NRCAM: variants seen among roughly 807,000 people sequenced by gnomAD.
The protein encoded by NRCAM is NgCAM-related cell adhesion molecule.
Under a neutral mutation model 156.5 loss-of-function variants are expected in NRCAM, and 83 were observed. The observed-to-expected ratio is 0.53, with a 90% CI of 0.44 to 0.64. The LOEUF is 0.64. Among genes scored for constraint, NRCAM ranks in the 30% least tolerant of loss-of-function variants. NRCAM has a pLI of 0.00. For missense variants in NRCAM, 1,417 were observed against 1,597.3 expected (o/e 0.89, Z 1.92); for synonymous variants, 538 against 563.9 (o/e 0.95, Z 0.65).
chr7:108,163,534 A>T lies in NRCAM; in HGVS notation c.3467-3042T>A, dbSNP rs150410394. On this transcript the variant is annotated intron_variant, in intron 30 of 32. Coordinates refer to ENST00000379028, the MANE Select transcript of NRCAM (RefSeq NM_001037132.4). The stretch of plus-strand genomic sequence containing the variant: ...ATGTGTTTAGGAAGAGCAAAATGTG[A>T]CCTTAACCAAAGTTTGGAGACAACT... 6.6e-5 allele frequency among the ~76,000 whole-genome samples: 10 copies of T among 152,362 alleles called. No homozygotes were observed. The East Asian group carries it at 1.9e-3, about 29-fold the overall frequency.
chr7:108,347,327 C>T (rs572453932), intron 2 of NRCAM, among the ~76,000 whole-genome samples: 77 of 152,250 alleles, frequency 5.1e-4, no homozygotes, highest in Admixed American at 1.6e-3. Context: ...TGAGCCACCG[C>T]GCCCGGCTTA....
intron 13 of NRCAM, among the ~76,000 whole-genome samples, chr7:108,206,713 T>G (rs1023349583): frequency 3.9e-5 from 6 of 152,186 alleles, no homozygotes; most frequent in Admixed American, 2.6e-4. Context: ...TTTGCTATAA[T>G]TCCCTTGACT....
chr7:108,163,335 C>T (rs2050561998), intron 30 of NRCAM, among the ~76,000 whole-genome samples: 1 of 152,144 alleles, frequency 6.6e-6, no homozygotes, highest in South Asian at 2.1e-4. Context: ...TCATGGATAT[C>T]TGTGCTCTGT....
chr7:108,177,325 A>G (rs909324310), intron 26 of NRCAM, among the ~76,000 whole-genome samples: 3 of 152,054 alleles, frequency 2.0e-5, no homozygotes, highest in African/African-American at 7.2e-5. Context: ...AGATAGGGAG[A>G]TATCAGTTAA....
At chr7:108,163,154 AT>A (rs572351370) in intron 30 of NRCAM, among the ~76,000 whole-genome samples, 46 of 152,216 alleles carry the variant, frequency 3.0e-4, no homozygotes, top group African/African-American at 1.1e-3. Flanking sequence ...TCATTACTTG[AT>A]TTTTTTTAAC....
At chr7:108,261,067 T>A (rs2096870729) in intron 3 of NRCAM, among the ~76,000 whole-genome samples, 1 of 152,012 alleles carries the variant, frequency 6.6e-6, no homozygotes, top group African/African-American at 2.4e-5. Flanking sequence ...TGAGGAGAAA[T>A]GGTGGACAGA....
At chr7:108,368,426 C>T (rs951061131) in intron 2 of NRCAM, among the ~76,000 whole-genome samples, 1 of 152,060 alleles carries the variant, frequency 6.6e-6, no homozygotes, top group Non-Finnish European at 1.5e-5. Flanking sequence ...TACATACACA[C>T]TTCTGAAATA....
intron 3 of NRCAM, among the ~76,000 whole-genome samples, chr7:108,255,292 G>A (rs943198378): frequency 2.0e-5 from 3 of 151,830 alleles, no homozygotes; most frequent in East Asian, 1.9e-4. Flanking sequence ...TCAGCCTGCC[G>A]AGTGCCTGGG....
intron 2 of NRCAM, among the ~76,000 whole-genome samples, chr7:108,320,883 C>T (rs1238181010): frequency 6.6e-6 from 1 of 152,202 alleles, no homozygotes; most frequent in Admixed American, 6.6e-5. Context: ...GCTTTGTATA[C>T]AATCAGGTTC....
intron 3 of NRCAM, among the ~76,000 whole-genome samples, chr7:108,309,756 C>G (rs1015400692): frequency 1.3e-5 from 2 of 152,064 alleles, no homozygotes; most frequent in African/African-American, 4.8e-5. Context: ...ACTCAGGAGG[C>G]TGAGGGATGA....
chr7:108,236,570 G>A (rs984059909), intron 5 of NRCAM, among the ~76,000 whole-genome samples: 1 of 152,168 alleles, frequency 6.6e-6, no homozygotes, highest in Admixed American at 6.6e-5. Flanking sequence ...AGTTTCCTGA[G>A]AGGGAAAATA....
chr7:108,220,925 G>C (rs2092014079), intron 11 of NRCAM, among the ~76,000 whole-genome samples: 1 of 152,152 alleles, frequency 6.6e-6, no homozygotes, highest in African/African-American at 2.4e-5. Context: ...CACAGAGTGG[G>C]AGGAAATCTT....
chr7:108,160,476 C>T lies in NRCAM; in HGVS notation c.3483G>A (p.Gln1161=). 6.2e-7 allele frequency: 1 copy of T among 1,613,160 alleles called. No individual in the cohort carries two copies. The highest frequency in any genetic ancestry group is 1.3e-5 in the African/African-American group (1 of 74,978). Residue 1161 remains glutamine (Q), a synonymous_variant, in exon 31 of 33, where the codon CAG becomes CAA. Transcript: ENST00000379028. Reference sequence around the variant, plus strand: ...ACCAGCCCTGAGTTGCAATATCCACCTGCCGGCTTGCCATCGCTGGAAAAC... The same window carrying T: ...ACCAGCCCTGAGTTGCAATATCCACTTGCCGGCTTGCCATCGCTGGAAAAC... ...FETGPAMASR[Q]VDIATQGWFI...
chr7:108,188,133 T>G (rs1249801204), intron 20 of NRCAM, among the ~76,000 whole-genome samples: 1 of 152,050 alleles, frequency 6.6e-6, no homozygotes, highest in Non-Finnish European at 1.5e-5. Flanking sequence ...GACTACAGTA[T>G]AGTATAGCTC....
At chr7:108,315,368 A>C (rs908567576) in intron 2 of NRCAM, among the ~76,000 whole-genome samples, 12 of 152,130 alleles carry the variant, frequency 7.9e-5, no homozygotes, top group African/African-American at 2.9e-4. Context: ...CCTTGTTAAA[A>C]CTGGCATTTA....
rs74301085 is a variant in NRCAM, at chr7:108,394,938, A to G, written c.-174+4498T>C. ...AAGTTGTTTTATTTTTCCATTTTAA[A>G]ATAAGAACAATAAACATGTTTTTAA... On this transcript the variant is annotated intron_variant, in intron 2 of 32. Transcript: ENST00000379028. 5.3e-5 allele frequency among the ~76,000 whole-genome samples: 8 copies of G among 152,356 alleles called. No individual in the cohort carries two copies. In the East Asian group the frequency reaches 1.4e-3, roughly 26 times the overall value.
chr7:108,208,363 GA>G (rs1281011533), intron 12 of NRCAM, among the ~76,000 whole-genome samples: 1 of 151,986 alleles, frequency 6.6e-6, no homozygotes, highest in East Asian at 1.9e-4. Flanking sequence ...ATATAATTAG[GA>G]AGCAACTTAA....
chr7:108,243,177 A>G (rs1269637), intron 3 of NRCAM: 132,588 of 152,162 alleles, frequency 0.87, 57,994 homozygotes, highest in East Asian at 0.99. Flanking sequence ...TCTAGTGTAG[A>G]TTCTGTTAGA....
intron 5 of NRCAM, among the ~76,000 whole-genome samples, chr7:108,235,818 A>G (rs1420432614): frequency 6.6e-6 from 1 of 152,152 alleles, no homozygotes; most frequent in African/African-American, 2.4e-5. Context: ...ACAAAGACTT[A>G]TCTGGTCTCA....
Sources: allele counts gnomAD v4.1 joint callset (sites outside exome capture counted in the v4.1 genomes callset), GRCh38; gene constraint gnomAD v4.1.1; transcripts MANE v1.5; gene names NCBI Gene and HGNC (gene_info 2026-07-23, HGNC 2026-07-21).